The following C11orf65 variants were observed in gnomAD, a reference collection of about 807,000 sequenced individuals.
C11orf65 encodes the protein chromosome 11 open reading frame 65.
A neutral mutation model predicts 35.3 loss-of-function variants in C11orf65; 38 were observed. The observed-to-expected ratio is 1.08, with a 90% CI of 0.83 to 1.41. The LOEUF (loss-of-function observed/expected upper bound fraction) is 1.41. Among genes scored for constraint, C11orf65 ranks in the 40% most tolerant of loss-of-function variants. The probability of loss-of-function intolerance (pLI) is 0.00; values close to 1 mark genes in which losing one functional copy is unlikely to be tolerated. For synonymous variants in C11orf65, 105 were observed against 114.4 expected (o/e 0.92, Z 0.53); for missense variants, 370 against 367.1 (o/e 1.01, Z -0.06).
chr11:108,347,053 T>C (rs1275209647), intron 2 of C11orf65, among the ~76,000 whole-genome samples: 1 of 152,182 alleles, frequency 6.6e-6, no homozygotes, highest in African/African-American at 2.4e-5. Flanking sequence ...AGAGAAAATT[T>C]TTTTAGCAAA....
intron 6 of C11orf65, among the ~76,000 whole-genome samples, chr11:108,317,141 G>T (rs1223260862): frequency 1.3e-5 from 2 of 150,654 alleles, no homozygotes; most frequent in African/African-American, 4.9e-5. Flanking sequence ...GTCTTGGTTT[G>T]TTGTCCAGGC....
intron 2 of C11orf65, among the ~76,000 whole-genome samples, chr11:108,435,299 G>A (rs896200349): frequency 2.6e-5 from 4 of 151,636 alleles, no homozygotes; most frequent in Non-Finnish European, 5.9e-5. Flanking sequence ...TGACCATCTT[G>A]TTCTCCTCAT....
intron 6 of C11orf65, among the ~76,000 whole-genome samples, chr11:108,313,660 G>A (rs183175685): frequency 2.6e-5 from 4 of 151,970 alleles, no homozygotes; most frequent in South Asian, 2.1e-4. Flanking sequence ...TTGGAATATC[G>A]TGTGTGTACT....
intron 2 of C11orf65, among the ~76,000 whole-genome samples, chr11:108,357,055 C>T (rs1030541950): frequency 2.0e-5 from 3 of 152,232 alleles, no homozygotes; most frequent in Admixed American, 1.3e-4. Flanking sequence ...CACTAGGGAG[C>T]GCCAGACAGT....
intron 6 of C11orf65, among the ~76,000 whole-genome samples, chr11:108,311,717 T>A (rs1382246002): frequency 6.6e-6 from 1 of 151,492 alleles, no homozygotes; most frequent in Non-Finnish European, 1.5e-5. Flanking sequence ...AAAAAAAAAA[T>A]TAAGAAACTG....
chr11:108,399,517 T>C (rs1372698354), intron 6 of C11orf65, among the ~76,000 whole-genome samples: 2 of 152,196 alleles, frequency 1.3e-5, no homozygotes, highest in Non-Finnish European at 2.9e-5. Context: ...TTTTAGATGA[T>C]GCAGCATCCT....
At chr11:108,449,039 T>C (rs555580605) in intron 2 of C11orf65, among the ~76,000 whole-genome samples, 2 of 152,232 alleles carry the variant, frequency 1.3e-5, no homozygotes, top group Admixed American at 1.3e-4. Flanking sequence ...TCACAATTGC[T>C]TCAAAGAGAA....
intron 2 of C11orf65, among the ~76,000 whole-genome samples, chr11:108,442,082 A>G (rs2093163222): frequency 6.6e-6 from 1 of 152,184 alleles, no homozygotes. Flanking sequence ...CCTTGAAAAA[A>G]GATGAGATGA....
At chr11:108,452,109 A>T (rs1259080341) in intron 2 of C11orf65, among the ~76,000 whole-genome samples, 1 of 151,454 alleles carries the variant, frequency 6.6e-6, no homozygotes, top group Non-Finnish European at 1.5e-5. Context: ...GGACTTCATG[A>T]CTAAAACACC....
chr11:108,399,138 T>G (rs1403715331), intron 6 of C11orf65, among the ~76,000 whole-genome samples: 1 of 152,104 alleles, frequency 6.6e-6, no homozygotes, highest in Non-Finnish European at 1.5e-5. Context: ...GTGCAACCAC[T>G]GAGGTGCCGG....
At chr11:108,425,127 C>A (rs1485050004) in intron 3 of C11orf65, among the ~76,000 whole-genome samples, 1 of 152,114 alleles carries the variant, frequency 6.6e-6, no homozygotes, top group Non-Finnish European at 1.5e-5. Context: ...CATTCAAAAT[C>A]TAGCAGAAGA....
intron 3 of C11orf65, among the ~76,000 whole-genome samples, chr11:108,429,845 A>G (rs1037769577): frequency 6.6e-6 from 1 of 152,198 alleles, no homozygotes; most frequent in African/African-American, 2.4e-5. Context: ...AAACTATTAC[A>G]TGGGTGAATC....
chr11:108,338,523 C>G (rs1395864403), intron 2 of C11orf65, among the ~76,000 whole-genome samples: 1 of 152,112 alleles, frequency 6.6e-6, no homozygotes, highest in African/African-American at 2.4e-5. Flanking sequence ...GGCATGATGG[C>G]ATGCACCTAT....
rs180744909 is a variant in C11orf65 at position 108,369,449 on chromosome 11, A to G, written c.226+23759T>C. On this transcript the variant is annotated intron_variant, in intron 2 of 3. Coordinates refer to the C11orf65 transcript ENST00000524755. ...ATATGACAAGTGCAAAGATCCTGGTATCCTAAATGCAAAGTTTTTTACCTG... is the reference window on the plus strand; with the variant it reads ...ATATGACAAGTGCAAAGATCCTGGTGTCCTAAATGCAAAGTTTTTTACCTG... Among the ~76,000 whole-genome samples, 46 of 152,346 alleles carry G rather than the reference A, an allele frequency of 3.0e-4. No individual in the cohort carries two copies. In the East Asian group the frequency reaches 6.6e-3, roughly 22 times the overall value.
At chr11:108,340,998 C>T (rs1426764463) in intron 2 of C11orf65, among the ~76,000 whole-genome samples, 1 of 152,042 alleles carries the variant, frequency 6.6e-6, no homozygotes, top group Non-Finnish European at 1.5e-5. Flanking sequence ...AGAGGGCCAG[C>T]TGTATTCCAT....
At chr11:108,411,792 CTT>C (rs555110271) in intron 3 of C11orf65, among the ~76,000 whole-genome samples, 12 of 143,244 alleles carry the variant, frequency 8.4e-5, no homozygotes, top group Admixed American at 7.0e-5. Context: ...TTTCTTTTTT[CTT>C]TTTTTTTTTT....
chr11:108,377,565 T>G (rs955507786), intron 2 of C11orf65, among the ~76,000 whole-genome samples: 13 of 151,582 alleles, frequency 8.6e-5, no homozygotes, highest in Non-Finnish European at 1.6e-4. Flanking sequence ...CTTTGAAAAC[T>G]GGCACAAGAC....
intron 3 of C11orf65, among the ~76,000 whole-genome samples, chr11:108,423,722 C>A (rs964568068): frequency 6.6e-6 from 1 of 152,174 alleles, no homozygotes; most frequent in Non-Finnish European, 1.5e-5. Flanking sequence ...GAACAGTCAG[C>A]AATCTTTGCT....
intron 2 of C11orf65, among the ~76,000 whole-genome samples, chr11:108,337,185 G>A (rs1428329750): frequency 6.6e-6 from 1 of 152,134 alleles, no homozygotes; most frequent in African/African-American, 2.4e-5. Context: ...ACTGCTTTCA[G>A]AGACTAAATA....
Sources: gnomAD v4.1 joint callset for allele counts (sites outside exome capture counted in the v4.1 genomes callset) on GRCh38, gnomAD v4.1.1 for gene constraint, MANE v1.5 for transcripts, NCBI Gene and HGNC (gene_info 2026-07-23, HGNC 2026-07-21) for gene names.